The following SYNE2 variants were observed in gnomAD, a reference collection of about 807,000 sequenced individuals.
SYNE2 encodes the protein spectrin repeat containing nuclear envelope protein 2, also known as nesprin-2.
In SYNE2, 431 loss-of-function variants were observed where a neutral mutation model predicts 856.3. The observed-to-expected ratio is 0.50, with a 90% CI of 0.47 to 0.55. The LOEUF (loss-of-function observed/expected upper bound fraction) is 0.55, where lower values mean the gene tolerates loss of function less well. Among genes scored for constraint, SYNE2 ranks in the 20% least tolerant of loss-of-function variants. SYNE2 has a pLI of 0.00. For missense variants in SYNE2, 8,129 were observed against 8,023.2 expected (o/e 1.01, Z -0.50); for synonymous variants, 2,923 against 2,872.3 (o/e 1.02, Z -0.56).
At chr14:63,974,877 TGTG>T (rs2153463355) in intron 11 of SYNE2, among the ~76,000 whole-genome samples, 1 of 40,846 alleles carries the variant, frequency 2.4e-5, no homozygotes, top group South Asian at 1.1e-3. Flanking sequence ...TGTGTGTGTG[TGTG>T]TGTGTGTGTG....
chr14:63,830,281 G>A (rs1889622435), intron 1 of SYNE2, among the ~76,000 whole-genome samples: 1 of 150,154 alleles, frequency 6.7e-6, no homozygotes. Flanking sequence ...TTTTTTTTGA[G>A]GGTAACAAAA....
intron 61 of SYNE2, chr14:64,094,906 G>A (rs1329640051): frequency 6.0e-6 from 1 of 167,434 alleles, no homozygotes; most frequent in African/African-American, 2.4e-5. Context: ...TAGAGATGAG[G>A]TCTCACTGTG....
chr14:64,048,202 A>G (rs769502777), intron 46 of SYNE2, 47 bp downstream of exon 46: 1 of 1,585,544 alleles, frequency 6.3e-7, no homozygotes, highest in East Asian at 2.3e-5. Context: ...TCATTTATCC[A>G]GTGCAATACA....
chr14:64,098,983 G>T (rs2097699524), intron 63 of SYNE2, 162 bp downstream of exon 63: 3 of 722,334 alleles, frequency 4.2e-6, no homozygotes, highest in Non-Finnish European at 4.7e-6. Flanking sequence ...TAATGTTTAA[G>T]TGTATGGAAA....
chr14:63,874,300 C>T (rs2094663559), intron 1 of SYNE2, among the ~76,000 whole-genome samples: 1 of 152,166 alleles, frequency 6.6e-6, no homozygotes, highest in African/African-American at 2.4e-5. Context: ...TTTCCTGGAG[C>T]ATTGCATCTG....
At chr14:64,050,753 T>C (rs2097219520) in intron 47 of SYNE2, among the ~76,000 whole-genome samples, 1 of 152,150 alleles carries the variant, frequency 6.6e-6, no homozygotes, top group South Asian at 2.1e-4. Context: ...ACGTGGTTGC[T>C]CACACCTGTA....
chr14:63,930,870 T>C (rs2095744905), intron 2 of SYNE2, among the ~76,000 whole-genome samples: 2 of 152,178 alleles, frequency 1.3e-5, no homozygotes, highest in Non-Finnish European at 2.9e-5. Context: ...CCTTGAGTTC[T>C]GTGAGAGCCA....
rs1184002513 is a variant in SYNE2, at chr14:64,120,784, TATA to T, written c.13024-142_13024-140del. ...ATCTCAAAAAACAAAAACAAAAAAT[TATA>T]GTATATAATTATAGCAAATAACAAA... On this transcript the variant is annotated intron_variant, in intron 67 of 115. Transcript: ENST00000555002. 14 of 813,218 alleles carry T rather than the reference TATA, an allele frequency of 1.7e-5. No homozygotes were observed. In the Admixed American group the frequency reaches 3.2e-4, roughly 18 times the overall value. The allele number at this position is 813,218 out of a possible 1,614,324, so 50.4% of individuals were successfully genotyped here. A position where few individuals can be genotyped will look rare whatever the true frequency, so the allele number is the denominator to read the frequency against.
Position 64,052,311 on chromosome 14 carries a change from G to A in SYNE2, c.8398G>A (p.Glu2800Lys). 1 of 1,614,190 alleles carries A rather than the reference G, an allele frequency of 6.2e-7. No individual in the cohort carries two copies. The highest frequency in any genetic ancestry group is 8.5e-7 in the Non-Finnish European group (1 of 1,180,024). Residue 2800 changes from glutamate (E) to lysine (K), a missense_variant, in exon 48 of 116, where the codon GAG (glutamate) becomes AAG (lysine). Glu to Lys is a moderately conservative substitution (Grantham distance 56). Transcript: ENST00000555002. Reference protein sequence around the residue: ...KDKVPSLTTYEGSDLNNTLED... With the variant: ...KDKVPSLTTYKGSDLNNTLED... ...TAAGGTTCCTAGCCTTACAACCTAT[G>A]AGGGCAGTGATTTAAATAATACCCT...
At chr14:63,965,835 T>A (rs2153452059) in intron 10 of SYNE2, among the ~76,000 whole-genome samples, 1 of 152,362 alleles carries the variant, frequency 6.6e-6, no homozygotes, top group Middle Eastern at 3.4e-3. Flanking sequence ...CTTCTTGACC[T>A]TCTTCCCTTA....
Position 64,134,196 on chromosome 14 carries a change from A to G in SYNE2, c.14642A>G (p.Tyr4881Cys). 1 of 1,614,066 alleles carries G rather than the reference A, an allele frequency of 6.2e-7. No individual in the cohort carries two copies. Among genetic ancestry groups the G allele is most frequent in the South Asian group, 1.1e-5 (1 of 91,080 alleles). The change falls in exon 78 of 116, where the codon TAC becomes TGC. Residue 4881 changes from tyrosine (Y) to cysteine (C), a missense_variant. Tyr to Cys is a radical substitution (Grantham distance 194, BLOSUM62 -2). Around this residue, in one of 3 missense-constraint regions of SYNE2, gnomAD observed 5,410 missense variants for 5,284.8 expected, o/e 1.02. Coordinates refer to ENST00000555002, the MANE Select transcript of SYNE2 (RefSeq NM_182914.3). ...AGATTAGTGGAAAGGATTTCATTTT[A>G]CCAGGTATTTGTCTTCCATTTAAGT... ...EERLVERISF[Y>C]QQIKRNIGGK...
chr14:64,152,680 T>C lies in SYNE2; in HGVS notation c.15756T>C (p.Asp5252=). The C allele has an allele frequency of 6.2e-7, 1 of 1,614,140 alleles. No homozygotes were observed. The highest frequency in any genetic ancestry group is 8.5e-7 in the Non-Finnish European group (1 of 1,179,992). ...TAGAAGATACAGCATCCCGAATTGA[T>C]GAGTTATTTCAAAAGAGAAGCAGTG... The part of the protein sequence containing the change: ...PLLEDTASRI[D]ELFQKRSSVL... Residue 5252 remains aspartate, a synonymous_variant, in exon 85 of 116, where the codon GAT becomes GAC. Transcript: ENST00000555002.
chr14:63,881,530 TATA>T (rs1261187274), intron 1 of SYNE2, among the ~76,000 whole-genome samples: 2 of 151,214 alleles, frequency 1.3e-5, no homozygotes, highest in African/African-American at 4.8e-5. Flanking sequence ...GAGTTAGAGT[TATA>T]ATACAGATTA....
intron 1 of SYNE2, among the ~76,000 whole-genome samples, chr14:63,797,160 G>T (rs186243128): frequency 2.9e-4 from 44 of 151,734 alleles, no homozygotes; most frequent in Admixed American, 1.8e-3. Flanking sequence ...ACTTTGAGAG[G>T]CTGAGGTGGG....
intron 1 of SYNE2, among the ~76,000 whole-genome samples, chr14:63,816,800 G>A (rs995548520): frequency 1.1e-4 from 17 of 151,986 alleles, no homozygotes; most frequent in African/African-American, 3.4e-4. Context: ...CACTGCAGCC[G>A]TGAACTCCTG....
intron 1 of SYNE2, among the ~76,000 whole-genome samples, chr14:63,763,904 C>T (rs969976766): frequency 2.0e-5 from 3 of 152,100 alleles, no homozygotes; most frequent in African/African-American, 7.2e-5. Flanking sequence ...CTCAAGGGTT[C>T]ACCTGAAGCG....
chr14:64,110,350 A>G (rs1417925835), intron 65 of SYNE2, among the ~76,000 whole-genome samples: 1 of 152,194 alleles, frequency 6.6e-6, no homozygotes, highest in Non-Finnish European at 1.5e-5. Flanking sequence ...TGATTCACCA[A>G]CTGAAAAGTT....
chr14:64,016,744 A>C, intron 33 of SYNE2, 113 bp downstream of exon 33: 1 of 769,300 alleles, frequency 1.3e-6, no homozygotes, highest in Non-Finnish European at 2.1e-6. Context: ...AAAATGTTCA[A>C]ATTATATAAA....
chr14:63,863,797 T>TAA (rs914730913), intron 1 of SYNE2, among the ~76,000 whole-genome samples: 1 of 152,194 alleles, frequency 6.6e-6, no homozygotes, highest in African/African-American at 2.4e-5. Flanking sequence ...ATTAAAGAGT[T>TAA]AAAGATATGT....
Sources: gnomAD v4.1 joint callset for allele counts (sites outside exome capture counted in the v4.1 genomes callset) on GRCh38, gnomAD v4.1.1 for gene constraint, gnomAD v4.1.1 regional missense constraint, MANE v1.5 for transcripts, NCBI Gene and HGNC (gene_info 2026-07-23, HGNC 2026-07-21) for gene names.